Variants in NKX2-1 observed in about 807,000 individuals in gnomAD.
NKX2-1 encodes homeobox protein Nkx-2.1.
NKX2-1 carries 9 observed loss-of-function variants against 35.1 expected under a neutral mutation model. The observed-to-expected ratio is 0.26, with a 90% confidence interval of 0.15 to 0.45. The LOEUF is 0.45. NKX2-1 is among the 20% of genes least tolerant of loss of function. The probability of loss-of-function intolerance (pLI) is 1.00; values close to 1 mark genes in which losing one functional copy is unlikely to be tolerated. For synonymous variants in NKX2-1, 284 were observed against 269.9 expected, an observed-to-expected ratio of 1.05 and a Z score of -0.51; for missense variants, 509 against 589.1, an observed-to-expected ratio of 0.86 and a Z score of 1.41.
Position 36,517,505 on chromosome 14 carries a change from C to T in NKX2-1, c.979G>A (p.Ala327Thr), listed in dbSNP as rs1418883459. 2.2e-6 allele frequency: 3 copies of T among 1,345,432 alleles called. No individual in the cohort carries two copies. The highest frequency in any genetic ancestry group is 6.3e-5 in the East Asian group (2 of 31,840). 83.3% of individuals were successfully genotyped at this position (1,345,432 alleles called of 1,614,324 possible). ...GAGATGGCCGCTGCCGCCGCCTGCG[C>T]GGCCTGCGCCTGGTGCTGCGCCTGC... Reference protein sequence around the residue: ...QQQAQHQAQAAQAAAAAISVG... With the variant: ...QQQAQHQAQATQAAAAAISVG... The change falls in exon 3 of 3, where the codon GCG becomes ACG. Residue 327 changes from alanine to threonine, a missense_variant. Around this residue, in one of 5 missense-constraint regions of NKX2-1, gnomAD observed 212 missense variants for 227.7 expected, o/e 0.93. Transcript: ENST00000354822.
In NKX2-1 at chr14:36,517,683, C is replaced by T. The variant is rs1566615270; in HGVS notation, c.801G>A (p.Gly267=). 3 of 1,562,444 alleles carry T rather than the reference C, an allele frequency of 1.9e-6. No homozygotes were observed. The African/African-American group carries it at 4.1e-5, about 21-fold the overall frequency. The part of the protein sequence containing the change: ...QQLQQDSGGG[G]GGGGTGCPQQ... ...GCGGGCACCCGGTGCCCCCGCCGCC[C>T]CCGCCGCCGCCGCTGTCCTGCTGCA... Residue 267 remains glycine, a synonymous_variant, in exon 3 of 3, where the codon GGG becomes GGA. Transcript: ENST00000354822.
chr14:36,519,629 A>G (rs1881252034), intron 1 of NKX2-1: 1 of 1,529,336 alleles, frequency 6.5e-7, no homozygotes, highest in African/African-American at 1.4e-5. Context: ...CAACAAGACA[A>G]TAGAAGCCTA....
Position 36,517,559 on chromosome 14 carries a change from C to T in NKX2-1, c.925G>A (p.Ala309Thr), listed in dbSNP as rs886050482. The change falls in exon 3 of 3, where the codon GCC becomes ACC. Residue 309 changes from alanine (A) to threonine (T), a missense_variant. By Grantham distance (58) the Ala-to-Thr change is moderately conservative. Around this residue, in one of 5 missense-constraint regions of NKX2-1, gnomAD observed 212 missense variants for 227.7 expected, o/e 0.93. Coordinates refer to ENST00000354822, the MANE Select transcript of NKX2-1 (RefSeq NM_001079668.3). ...TGCGCGTGGCCTTGTAGGCTGGCGG[C>T]GCCCGGCGCGGGGGCACCCGCCTGG... ...PCQAGAPAPGAASLQGHAQQQ... is the reference protein window; with the variant it reads ...PCQAGAPAPGTASLQGHAQQQ... 2 of 1,466,362 alleles carry T rather than the reference C, an allele frequency of 1.4e-6. No homozygotes were observed. Among genetic ancestry groups the T allele is most frequent in the Non-Finnish European group, 8.9e-7 (1 of 1,117,998 alleles). 90.8% of individuals were successfully genotyped at this position (1,466,362 alleles called of 1,614,324 possible).
rs1881205887 is a variant in NKX2-1 at position 36,519,033 on chromosome 14, A to G, written c.415T>C (p.Ser139Pro). The stretch of plus-strand genomic sequence containing the variant: ...TTGGCGCCGTACCATCCGGGGCCAG[A>G]GGCGCTGTTCCTCATGGTGTCCTGG... The part of the protein sequence containing the change: ...PYQDTMRNSA[S>P]GPGWYGANPD... The change falls in exon 2 of 3, where the codon TCT becomes CCT. Residue 139 changes from serine to proline, a missense_variant. By Grantham distance (74) the Ser-to-Pro change is moderately conservative. Coordinates refer to ENST00000354822, the MANE Select transcript of NKX2-1 (RefSeq NM_001079668.3). 6.3e-7 allele frequency: 1 copy of G among 1,593,870 alleles called. No homozygotes were observed. The highest frequency in any genetic ancestry group is 1.3e-5 in the African/African-American group (1 of 74,664).
rs537795327 is a variant in NKX2-1 at position 36,520,162 on chromosome 14, C to G, written c.-33G>C. 17 of 1,611,206 alleles carry G rather than the reference C, an allele frequency of 1.1e-5. No individual in the cohort carries two copies. Among genetic ancestry groups the G allele is most frequent in the Admixed American group, 1.7e-5 (1 of 59,884 alleles). On this transcript the variant is annotated 5_prime_UTR_variant, in exon 1 of 3. Transcript: ENST00000354822. ...CGCTGCGCTGAGCCCCAGTCGCCAA[C>G]AAATGAGCGAGCGAGTCTGGGGACG... is the stretch of plus-strand genomic sequence containing the variant.
chr14:36,519,751 A>G (rs1427110560), intron 1 of NKX2-1: 3 of 1,476,976 alleles, frequency 2.0e-6, no homozygotes, highest in African/African-American at 1.4e-5. Context: ...CAGAGACGAG[A>G]CCCAAAGCAT....
At chr14:36,519,540 C>T (rs959258074) in intron 1 of NKX2-1, 170 bp from the exon 2 acceptor site, 1 of 1,535,002 alleles carries the variant, frequency 6.5e-7, no homozygotes, top group Admixed American at 2.0e-5. Context: ...TGAGTGGAGG[C>T]TCGGGGGCTG....
chr14:36,520,178 T>A lies in NKX2-1; in HGVS notation c.-49A>T. 1 of 1,605,598 alleles carries A rather than the reference T, an allele frequency of 6.2e-7. No individual in the cohort carries two copies. Reference sequence around the variant, plus strand: ...AGTCGCCAACAAATGAGCGAGCGAGTCTGGGGACGAACCCTGGGGCCGCAC... The same window carrying A: ...AGTCGCCAACAAATGAGCGAGCGAGACTGGGGACGAACCCTGGGGCCGCAC... On this transcript the variant is annotated 5_prime_UTR_variant, in exon 1 of 3. Transcript: ENST00000354822.
At chr14:36,519,918 G>C (rs1881270004) in intron 1 of NKX2-1, 135 bp downstream of exon 1, 10 of 1,353,544 alleles carry the variant, frequency 7.4e-6, no homozygotes, top group Non-Finnish European at 9.1e-6. Flanking sequence ...TGGTTGAGAG[G>C]AAGGAAGGTG....
chr14:36,519,627 C>G (rs1881251872), intron 1 of NKX2-1: 3 of 1,530,262 alleles, frequency 2.0e-6, no homozygotes, highest in Non-Finnish European at 2.6e-6. Context: ...AGCAACAAGA[C>G]AATAGAAGCC....
At position 36,519,227 on chromosome 14, in the gene NKX2-1, C is replaced by A. The variant is rs1293120962; in HGVS notation, c.221G>T (p.Gly74Val). Residue 74 changes from glycine to valine, a missense_variant, in exon 2 of 3, where the codon GGC (glycine) becomes GTC (valine). By Grantham distance (109) the Gly-to-Val change is moderately radical. Coordinates refer to ENST00000354822, the MANE Select transcript of NKX2-1 (RefSeq NM_001079668.3). ...LGAPLAAYRQ[G>V]QAAPPTAAMQ... ...GGCCGCTGTTGGCGGTGCCGCCTGG[C>A]CCTGCCTGTACGCCGCCAGCGGAGC... 1.2e-6 allele frequency: 2 copies of A among 1,607,208 alleles called. No individual in the cohort carries two copies. Among genetic ancestry groups the A allele is most frequent in the Non-Finnish European group, 1.7e-6 (2 of 1,177,356 alleles).
chr14:36,519,836 G>T (rs1164704671), intron 1 of NKX2-1: 52 of 1,272,128 alleles, frequency 4.1e-5, no homozygotes, highest in Non-Finnish European at 5.2e-5. Context: ...AGGTGGAGGG[G>T]AGGGGAAGGA....
At position 36,517,881 on chromosome 14, in the gene NKX2-1, C is replaced by G. The variant is rs1269969894; in HGVS notation, c.603G>C (p.Ala201=). Residue 201 remains alanine, a synonymous_variant, in exon 3 of 3, where the codon GCG becomes GCC. Transcript: ENST00000354822. ...AGCGTCGCTCCAGCTCGTACACCTG[C>G]GCCTGCGAGAAGAGCACCCGGCGCT... The part of the protein sequence containing the change: ...RRKRRVLFSQ[A]QVYELERRFK... 1.2e-6 allele frequency: 2 copies of G among 1,611,436 alleles called. No individual in the cohort carries two copies. Among genetic ancestry groups the G allele is most frequent in the Non-Finnish European group, 8.5e-7 (1 of 1,179,324 alleles).
chr14:36,519,987 C>A lies in NKX2-1; in HGVS notation c.77+66G>T, dbSNP rs1594408584. On this transcript the variant is annotated intron_variant, in intron 1 of 2. Coordinates refer to ENST00000354822, the MANE Select transcript of NKX2-1 (RefSeq NM_001079668.3). ...AAGTGGAACCACTTTCCAATTCGGT[C>A]GGGGTTCCCCGGGCACGGACAGGTC... 5.0e-6 allele frequency: 8 copies of A among 1,602,898 alleles called. No individual in the cohort carries two copies. In the South Asian group the frequency reaches 6.6e-5, roughly 13 times the overall value.
chr14:36,517,882 G>T lies in NKX2-1; in HGVS notation c.602C>A (p.Ala201Glu), dbSNP rs765795908. 5.6e-6 allele frequency: 9 copies of T among 1,611,344 alleles called. No homozygotes were observed. The highest frequency in any genetic ancestry group is 2.7e-5 in the African/African-American group (2 of 74,910). The change falls in exon 3 of 3, where the codon GCG (alanine) becomes GAG (glutamate). Residue 201 changes from alanine to glutamate, a missense_variant. This residue lies in a region of NKX2-1 where 15 missense variants were observed against 28.6 expected (regional missense o/e 0.52). Transcript: ENST00000354822. The part of the protein sequence containing the change: ...RRKRRVLFSQ[A>E]QVYELERRFK... ...GCGTCGCTCCAGCTCGTACACCTGC[G>T]CCTGCGAGAAGAGCACCCGGCGCTT...
At chr14:36,518,701 C>G (rs1027689303) in intron 2 of NKX2-1, among the ~76,000 whole-genome samples, 2 of 152,200 alleles carry the variant, frequency 1.3e-5, no homozygotes, top group Non-Finnish European at 2.9e-5. Context: ...CTTGGCTCCC[C>G]GAGGTCTTCT....
rs748668914 is a variant in NKX2-1, at chr14:36,517,270, G to C, written c.*8C>G. 16 of 1,599,086 alleles carry C rather than the reference G, an allele frequency of 1.0e-5. No homozygotes were observed. The highest frequency in any genetic ancestry group is 1.3e-5 in the Non-Finnish European group (15 of 1,174,832). On this transcript the variant is annotated 3_prime_UTR_variant, in exon 3 of 3. Coordinates refer to ENST00000354822, the MANE Select transcript of NKX2-1 (RefSeq NM_001079668.3). ...AGAGCGCTGGGCTAGGGCCGGCCCG[G>C]CGTCCTCTCACCAGGTCCGACCGTA...
rs542496269 is a variant in NKX2-1 at position 36,517,078 on chromosome 14, A to C, written c.*200T>G. 37 of 1,013,334 alleles carry C rather than the reference A, an allele frequency of 3.7e-5. No homozygotes were observed. Among genetic ancestry groups the C allele is most frequent in the South Asian group, 1.4e-4 (7 of 49,684 alleles). The allele number at this position is 1,013,334 out of a possible 1,614,324, so 62.8% of individuals were successfully genotyped here. ...TCATTTTCTTTTTTTAAAAAAAAAA[A>C]CCCACAAATTTTAGGGGGGGAAAAA... On this transcript the variant is annotated 3_prime_UTR_variant, in exon 3 of 3. Transcript: ENST00000354822.
At position 36,517,182 on chromosome 14, in the gene NKX2-1, C is replaced by A; in HGVS notation, c.*96G>T. 3.9e-6 allele frequency: 6 copies of A among 1,527,330 alleles called. No homozygotes were observed. Among genetic ancestry groups the A allele is most frequent in the Non-Finnish European group, 5.3e-6 (6 of 1,135,116 alleles). The allele number at this position is 1,527,330 out of a possible 1,614,324, so 94.6% of individuals were successfully genotyped here. A position where few individuals can be genotyped will look rare whatever the true frequency, so the allele number is the denominator to read the frequency against. ...ACGCGGCCAGGTTGTTAAGAAAAGT[C>A]GAAGCGCGTGGAGCAGCGGTGGATG... On this transcript the variant is annotated 3_prime_UTR_variant, in exon 3 of 3. Coordinates refer to ENST00000354822, the MANE Select transcript of NKX2-1 (RefSeq NM_001079668.3).
Sources: gnomAD v4.1 joint callset for allele counts (sites outside exome capture counted in the v4.1 genomes callset) on GRCh38, gnomAD v4.1.1 for gene constraint, gnomAD v4.1.1 regional missense constraint, MANE v1.5 for transcripts, NCBI Gene and HGNC (gene_info 2026-07-23, HGNC 2026-07-21) for gene names.